The following AGTPBP1 variants were observed in gnomAD, a reference collection of about 807,000 sequenced individuals.
AGTPBP1 encodes cytosolic carboxypeptidase 1.
A neutral mutation model predicts 143.9 loss-of-function variants in AGTPBP1; 70 were observed. The ratio of observed to expected loss-of-function variants is 0.49; its 90% CI spans 0.40 to 0.59. The LOEUF is 0.59. Ranked by LOEUF, AGTPBP1 falls within the 20% of genes least tolerant of loss-of-function variation. AGTPBP1 has a pLI of 0.00. For missense variants in AGTPBP1, 1,229 were observed against 1,464.5 expected (o/e 0.84, Z 2.62); for synonymous variants, 463 against 500.2 (o/e 0.93, Z 0.99).
intron 9 of AGTPBP1, among the ~76,000 whole-genome samples, chr9:85,659,476 T>C (rs1276130804): frequency 6.6e-6 from 1 of 152,180 alleles, no homozygotes; most frequent in East Asian, 1.9e-4. Context: ...ACATTAAATA[T>C]AAACTGAAGT....
At chr9:85,639,357 GCGCGCA>G (rs1265391157) in intron 13 of AGTPBP1, among the ~76,000 whole-genome samples, 3 of 130,900 alleles carry the variant, frequency 2.3e-5, no homozygotes, top group Non-Finnish European at 3.2e-5. Context: ...ACACCCATGC[GCGCGCA>G]CGCGCACACA....
chr9:85,639,275 C>T (rs1396043691), intron 13 of AGTPBP1, among the ~76,000 whole-genome samples: 1 of 151,900 alleles, frequency 6.6e-6, no homozygotes, highest in Non-Finnish European at 1.5e-5. Context: ...AAAATTACTG[C>T]TTATACGATG....
the AGTPBP1 span, among the ~76,000 whole-genome samples, chr9:85,750,365 T>C: frequency 3.3e-4 from 50 of 152,300 alleles, no homozygotes; most frequent in East Asian, 4.8e-3. Context: ...CAAATTCACT[T>C]ATAACTCAGA....
chr9:85,575,163 T>G (rs1205571297), intron 25 of AGTPBP1, 152 bp downstream of exon 25: 1 of 509,282 alleles, frequency 2.0e-6, no homozygotes, highest in African/African-American at 2.0e-5. Context: ...GAATCAGCAA[T>G]ATAAATTGGA....
chr9:85,625,123 A>C (rs767813913), intron 14 of AGTPBP1, among the ~76,000 whole-genome samples: 5 of 152,248 alleles, frequency 3.3e-5, no homozygotes, highest in Non-Finnish European at 7.3e-5. Context: ...CTATGTGTGC[A>C]CACAGACATG....
chr9:85,780,382 G>T, the AGTPBP1 span, among the ~76,000 whole-genome samples: 4 of 146,836 alleles, frequency 2.7e-5, no homozygotes, highest in Admixed American at 6.9e-5. Flanking sequence ...TTCTTTTTCT[G>T]TGGTGTTTTC....
chr9:85,583,839 G>A (rs749498574), intron 23 of AGTPBP1, among the ~76,000 whole-genome samples: 14 of 152,070 alleles, frequency 9.2e-5, no homozygotes, highest in Non-Finnish European at 1.9e-4. Context: ...GGCATGTGGA[G>A]CTTACTACCT....
At chr9:85,609,269 G>A (rs545851885) in intron 17 of AGTPBP1, among the ~76,000 whole-genome samples, 1 of 150,902 alleles carries the variant, frequency 6.6e-6, no homozygotes, top group Non-Finnish European at 1.5e-5. Context: ...CAATAGCAAT[G>A]TGTATACCAA....
intron 17 of AGTPBP1, among the ~76,000 whole-genome samples, chr9:85,610,815 C>T (rs1168854855): frequency 6.6e-6 from 1 of 152,146 alleles, no homozygotes; most frequent in Non-Finnish European, 1.5e-5. Context: ...GTTATAATTG[C>T]TTACAATGTT....
At chr9:85,692,844 T>C in intron 2 of AGTPBP1, 31 bp from the exon 3 acceptor site, 1 of 1,604,262 alleles carries the variant, frequency 6.2e-7, no homozygotes, top group Non-Finnish European at 8.5e-7. Flanking sequence ...TAGGGCACAT[T>C]CTAAATCAAT....
At chr9:85,696,255 G>T (rs531156457) in intron 2 of AGTPBP1, among the ~76,000 whole-genome samples, 4 of 152,172 alleles carry the variant, frequency 2.6e-5, no homozygotes, top group Non-Finnish European at 2.9e-5. Context: ...GCAAAAATTG[G>T]AATTTTGGAA....
chr9:85,747,858 C>T, the AGTPBP1 span, among the ~76,000 whole-genome samples: 1 of 151,968 alleles, frequency 6.6e-6, no homozygotes, highest in East Asian at 1.9e-4. Flanking sequence ...CAATAGTTAA[C>T]ATTTATTGAG....
chr9:85,682,216 A>C (rs1375637152), intron 3 of AGTPBP1, among the ~76,000 whole-genome samples: 7 of 146,180 alleles, frequency 4.8e-5, no homozygotes, highest in Non-Finnish European at 1.1e-4. Flanking sequence ...TATTTCTATT[A>C]GGTGAAGGTT....
chr9:85,690,569 T>A (rs1016470663), intron 3 of AGTPBP1, among the ~76,000 whole-genome samples: 5 of 151,306 alleles, frequency 3.3e-5, no homozygotes, highest in African/African-American at 1.2e-4. Context: ...AGGGTCATTC[T>A]CTGATAGTGG....
the AGTPBP1 span, chr9:85,787,835 C>T: frequency 6.6e-6 from 1 of 152,152 alleles, no homozygotes; most frequent in Non-Finnish European, 1.5e-5. Flanking sequence ...CTCAGAGTCA[C>T]CCACTTCCTT....
intron 14 of AGTPBP1, among the ~76,000 whole-genome samples, chr9:85,631,154 T>C (rs1831652170): frequency 6.6e-6 from 1 of 152,148 alleles, no homozygotes; most frequent in African/African-American, 2.4e-5. Flanking sequence ...GTTGTTACAT[T>C]GTACCCTGTG....
At chr9:85,698,744 G>A (rs968623558) in intron 2 of AGTPBP1, among the ~76,000 whole-genome samples, 2 of 133,902 alleles carry the variant, frequency 1.5e-5, no homozygotes, top group African/African-American at 5.8e-5. Flanking sequence ...CCAGGCTGGA[G>A]TGCAGTGGCG....
intron 18 of AGTPBP1, among the ~76,000 whole-genome samples, chr9:85,593,158 A>G (rs956574152): frequency 2.6e-5 from 4 of 152,186 alleles, no homozygotes; most frequent in African/African-American, 9.7e-5. Flanking sequence ...ATGTGATGCA[A>G]TGGGAATTCA....
chr9:85,654,870 G>C (rs939330036), intron 11 of AGTPBP1, among the ~76,000 whole-genome samples: 5 of 151,556 alleles, frequency 3.3e-5, no homozygotes, highest in Non-Finnish European at 5.9e-5. Flanking sequence ...CAAAAAAAAA[G>C]TACATAAGCT....
Sources: gnomAD v4.1 joint callset for allele counts (sites outside exome capture counted in the v4.1 genomes callset) on GRCh38, gnomAD v4.1.1 for gene constraint, MANE v1.5 for transcripts, NCBI Gene and HGNC (gene_info 2026-07-23, HGNC 2026-07-21) for gene names.